JAZF1: variants seen among roughly 807,000 people sequenced by gnomAD.
JAZF1 encodes juxtaposed with another zinc finger protein 1.
A neutral mutation model predicts 26.4 loss-of-function variants in JAZF1; 8 were observed. The observed-to-expected ratio is 0.30, with a 90% CI of 0.18 to 0.55. The LOEUF is 0.55. JAZF1 is among the 20% of genes least tolerant of loss of function. The probability of loss-of-function intolerance (pLI) is 0.94; values close to 1 mark genes in which losing one functional copy is unlikely to be tolerated. For missense variants in JAZF1, 199 were observed against 322.0 expected, an observed-to-expected ratio of 0.62 and a Z score of 2.92; for synonymous variants, 126 against 122.3, an observed-to-expected ratio of 1.03 and a Z score of -0.20.
intron 1 of JAZF1, among the ~76,000 whole-genome samples, chr7:28,174,013 C>A (rs776187423): frequency 6.6e-6 from 1 of 151,078 alleles, no homozygotes; most frequent in Admixed American, 6.6e-5. Flanking sequence ...AAAAAATACA[C>A]ACATAATAAA....
chr7:28,089,000 T>A (rs527889593), intron 1 of JAZF1, among the ~76,000 whole-genome samples: 4 of 152,126 alleles, frequency 2.6e-5, no homozygotes, highest in Non-Finnish European at 4.4e-5. Context: ...CATCACCAAT[T>A]TCCAACAAGA....
chr7:27,994,088 T>G (rs1228664844), intron 1 of JAZF1, among the ~76,000 whole-genome samples: 1 of 152,192 alleles, frequency 6.6e-6, no homozygotes, highest in Non-Finnish European at 1.5e-5. Flanking sequence ...GATTTTTATT[T>G]TTTCCCGTGT....
chr7:27,886,272 C>G (rs894676285), intron 3 of JAZF1, among the ~76,000 whole-genome samples: 1 of 152,166 alleles, frequency 6.6e-6, no homozygotes, highest in Admixed American at 6.5e-5. Context: ...GCAGCAGAAC[C>G]AAGAATTGGA....
Position 27,832,303 on chromosome 7 carries a change from A to T in JAZF1, c.*497T>A. ...TCTTATTTATATTTCCATTACCTAAAGTCTTTCTACTCACAAATACTAACT... is the reference window on the plus strand; with the variant it reads ...TCTTATTTATATTTCCATTACCTAATGTCTTTCTACTCACAAATACTAACT... On this transcript the variant is annotated 3_prime_UTR_variant, in exon 5 of 5. Transcript: ENST00000283928. The T allele has an allele frequency of 4.7e-6, 1 of 214,616 alleles. No homozygotes were observed. The highest frequency in any genetic ancestry group is 9.4e-6 in the Non-Finnish European group (1 of 106,014). The allele number at this position is 214,616 out of a possible 1,614,324, so 13.3% of individuals were successfully genotyped here.
chr7:27,965,321 G>A (rs1785254597), intron 2 of JAZF1, among the ~76,000 whole-genome samples: 1 of 152,152 alleles, frequency 6.6e-6, no homozygotes, highest in Non-Finnish European at 1.5e-5. Flanking sequence ...AGTAAAACTG[G>A]TGACAGGTAT....
At chr7:28,009,797 G>A (rs973900507) in intron 1 of JAZF1, among the ~76,000 whole-genome samples, 13 of 152,252 alleles carry the variant, frequency 8.5e-5, no homozygotes, top group East Asian at 3.9e-4. Context: ...TCACCATTGC[G>A]TTTTTTAAAA....
At chr7:28,167,934 T>C (rs890885439) in intron 1 of JAZF1, among the ~76,000 whole-genome samples, 1 of 152,232 alleles carries the variant, frequency 6.6e-6, no homozygotes, top group South Asian at 2.1e-4. Flanking sequence ...AGCAATGGTA[T>C]ACAAGGTTTA....
chr7:27,871,951 G>T lies in JAZF1; in HGVS notation c.385+23269C>A, dbSNP rs555538386. Among the ~76,000 whole-genome samples, 7 of 152,318 alleles carry T rather than the reference G, an allele frequency of 4.6e-5. No individual in the cohort carries two copies. In the South Asian group the frequency reaches 1.5e-3, roughly 32 times the overall value. ...TGTGGCATGTGCTCCGTTCAGCGGG[G>T]CTCACTTCAGAAAATGCAGCTGAAA... On this transcript the variant is annotated intron_variant, in intron 3 of 4. Transcript: ENST00000283928.
intron 1 of JAZF1, among the ~76,000 whole-genome samples, chr7:28,156,685 G>C (rs1213510894): frequency 2.0e-5 from 3 of 152,192 alleles, no homozygotes; most frequent in South Asian, 2.1e-4. Flanking sequence ...TGTGGGGCAA[G>C]AGGACACAGT....
intron 1 of JAZF1, among the ~76,000 whole-genome samples, chr7:28,058,682 C>G (rs974062395): frequency 1.3e-5 from 2 of 152,190 alleles, no homozygotes; most frequent in Admixed American, 1.3e-4. Context: ...ATTTTCATTA[C>G]TATTTATTTC....
chr7:27,856,014 C>A (rs528406212), intron 3 of JAZF1, among the ~76,000 whole-genome samples: 43 of 152,336 alleles, frequency 2.8e-4, no homozygotes, highest in Admixed American at 1.9e-3. Flanking sequence ...GCTTATCCAC[C>A]ACCATCGAGT....
chr7:28,046,846 G>A (rs1247845952), intron 1 of JAZF1, among the ~76,000 whole-genome samples: 9 of 151,998 alleles, frequency 5.9e-5, no homozygotes, highest in African/African-American at 1.9e-4. Context: ...TGATTTGTGG[G>A]AGCTCTGTAT....
chr7:28,072,960 A>G (rs1783999393), intron 1 of JAZF1, among the ~76,000 whole-genome samples: 1 of 152,158 alleles, frequency 6.6e-6, no homozygotes, highest in South Asian at 2.1e-4. Flanking sequence ...TACAAAGACA[A>G]CCTCTCTCAC....
intron 1 of JAZF1, among the ~76,000 whole-genome samples, chr7:28,067,431 A>AT (rs1365476921): frequency 1.2e-4 from 18 of 152,196 alleles, no homozygotes; most frequent in African/African-American, 4.3e-4. Context: ...CCTTGGGGCT[A>AT]TAATCCAGCA....
intron 1 of JAZF1, among the ~76,000 whole-genome samples, chr7:28,098,895 C>T (rs1029683042): frequency 2.6e-5 from 4 of 152,198 alleles, no homozygotes; most frequent in African/African-American, 9.7e-5. Context: ...GGGAGGTCCG[C>T]TAGTCATGCC....
At chr7:27,943,808 A>G (rs1021547583) in intron 2 of JAZF1, among the ~76,000 whole-genome samples, 5 of 152,176 alleles carry the variant, frequency 3.3e-5, no homozygotes, top group African/African-American at 1.2e-4. Context: ...CTGAAAGTTA[A>G]TGCATTCCAC....
At chr7:27,983,911 G>T (rs1785640639) in intron 2 of JAZF1, among the ~76,000 whole-genome samples, 1 of 152,166 alleles carries the variant, frequency 6.6e-6, no homozygotes, top group Non-Finnish European at 1.5e-5. Flanking sequence ...GAGAGATTTT[G>T]TCACCACCAG....
At chr7:28,078,348 C>T (rs920016125) in intron 1 of JAZF1, among the ~76,000 whole-genome samples, 1 of 152,180 alleles carries the variant, frequency 6.6e-6, no homozygotes, top group Non-Finnish European at 1.5e-5. Context: ...CATGCTTCAC[C>T]CATCACAGAG....
At chr7:28,121,967 T>C (rs1782613308) in intron 1 of JAZF1, among the ~76,000 whole-genome samples, 1 of 152,196 alleles carries the variant, frequency 6.6e-6, no homozygotes, top group Non-Finnish European at 1.5e-5. Flanking sequence ...GTGCCAATGT[T>C]CACATAAAAA....
Sources: allele counts gnomAD v4.1 joint callset (sites outside exome capture counted in the v4.1 genomes callset), GRCh38; gene constraint gnomAD v4.1.1; transcripts MANE v1.5; gene names NCBI Gene and HGNC (gene_info 2026-07-23, HGNC 2026-07-21).